Variants in SGSM2 observed in about 807,000 individuals in gnomAD.
The protein encoded by SGSM2 is small G protein signaling modulator 2, also known as RUN and TBC1 domain containing 1.
Under a neutral mutation model 126.6 loss-of-function variants are expected in SGSM2, and 89 were observed. The ratio of observed to expected loss-of-function variants is 0.70; its 90% CI spans 0.59 to 0.84. SGSM2 has a LOEUF of 0.84. Ranked by LOEUF, SGSM2 falls within the 40% of genes least tolerant of loss-of-function variation. SGSM2 has a pLI of 0.00. For synonymous variants in SGSM2, 614 were observed against 574.3 expected, an observed-to-expected ratio of 1.07 and a Z score of -0.99; for missense variants, 1,404 against 1,416.6, an observed-to-expected ratio of 0.99 and a Z score of 0.14.
At chr17:2,344,214 T>C (rs1014302231) in intron 2 of SGSM2, among the ~76,000 whole-genome samples, 3 of 152,192 alleles carry the variant, frequency 2.0e-5, no homozygotes, top group Non-Finnish European at 4.4e-5. Flanking sequence ...TGGCCAAGCC[T>C]TCCAGCCCCA....
At chr17:2,340,816 C>T (rs187735083) in intron 1 of SGSM2, among the ~76,000 whole-genome samples, 4 of 152,218 alleles carry the variant, frequency 2.6e-5, no homozygotes, top group African/African-American at 7.2e-5. Flanking sequence ...GATCTCCTGA[C>T]CTCGTGATCC....
In SGSM2 at chr17:2,338,716, A is replaced by G. The variant is rs868759667; in HGVS notation, c.57+971A>G. ...GAGGCCTGGTGTTTGGAAAGCATACATTTTGGAATAGTCTGGACCTAATTC... is the reference window on the plus strand; with the variant it reads ...GAGGCCTGGTGTTTGGAAAGCATACGTTTTGGAATAGTCTGGACCTAATTC... On this transcript the variant is annotated intron_variant, in intron 1 of 23. Coordinates refer to ENST00000268989, the MANE Select transcript of SGSM2 (RefSeq NM_014853.3). 4.7e-5 allele frequency among the ~76,000 whole-genome samples: 7 copies of G among 149,844 alleles called. No homozygotes were observed. The South Asian group carries it at 1.5e-3, about 32-fold the overall frequency.
rs1018074202 is a variant in SGSM2, at chr17:2,346,663, G to A, written c.133+3043G>A. Among the ~76,000 whole-genome samples the A allele has an allele frequency of 2.6e-5, 4 of 152,148 alleles. No individual in the cohort carries two copies. In the East Asian group the frequency reaches 7.7e-4, roughly 29 times the overall value. On this transcript the variant is annotated intron_variant, in intron 2 of 23. Transcript: ENST00000268989. ...TTTCCTTGTGTGGAAGTTTTCGCTGGCAAACCAGTCTGGCGGCAGCAGGGG... is the reference window on the plus strand; with the variant it reads ...TTTCCTTGTGTGGAAGTTTTCGCTGACAAACCAGTCTGGCGGCAGCAGGGG...
chr17:2,364,169 C>T lies in SGSM2; in HGVS notation c.918C>T (p.Ser306=), dbSNP rs575214536. 219 of 1,613,826 alleles carry T rather than the reference C, an allele frequency of 1.4e-4. 4 individuals carry two copies. The South Asian group carries it at 2.0e-3, about 15-fold the overall frequency. The change falls in exon 8 of 24, where the codon TCC becomes TCT. Residue 306 remains serine, a synonymous_variant. Coordinates refer to ENST00000268989, the MANE Select transcript of SGSM2 (RefSeq NM_014853.3). Reference sequence around the variant, plus strand: ...TCATGAATGGGACTCTGGGGGACTCCGAGCTGGAAAAGAGGTGGGGGCTTT... The same window carrying T: ...TCATGAATGGGACTCTGGGGGACTCTGAGCTGGAAAAGAGGTGGGGGCTTT... ...NQLMNGTLGD[S]ELEKSVYWDY...
At chr17:2,344,876 A>G (rs1226046891) in intron 2 of SGSM2, among the ~76,000 whole-genome samples, 1 of 152,170 alleles carries the variant, frequency 6.6e-6, no homozygotes, top group Non-Finnish European at 1.5e-5. Context: ...TCCCACCTCA[A>G]GGAACTTTCG....
intron 2 of SGSM2, among the ~76,000 whole-genome samples, chr17:2,357,687 G>A (rs368132537): frequency 4.6e-5 from 7 of 152,050 alleles, no homozygotes; most frequent in African/African-American, 1.2e-4. Context: ...TAGCAGAGAC[G>A]GAGTTTCACC....
In SGSM2 at chr17:2,380,740, G is replaced by T. The variant is rs762688388; in HGVS notation, c.*1220G>T. 46 of 209,136 alleles carry T rather than the reference G, an allele frequency of 2.2e-4. No individual in the cohort carries two copies. Among genetic ancestry groups the T allele is most frequent in the Non-Finnish European group, 3.8e-4 (39 of 103,704 alleles). 13.0% of individuals were successfully genotyped at this position (209,136 alleles called of 1,614,324 possible). A position where few individuals can be genotyped will look rare whatever the true frequency, so the allele number is the denominator to read the frequency against. On this transcript the variant is annotated 3_prime_UTR_variant, in exon 24 of 24. Coordinates refer to ENST00000268989, the MANE Select transcript of SGSM2 (RefSeq NM_014853.3). The stretch of plus-strand genomic sequence containing the variant: ...AGGCCCTGCCCGGGGCTGGGGCCTA[G>T]TCCAGCAGCCACCAAAGTCTGGCAG...
chr17:2,361,517 C>T, intron 2 of SGSM2, 120 bp from the exon 3 acceptor site: 1 of 1,275,404 alleles, frequency 7.8e-7, no homozygotes, highest in Non-Finnish European at 1.1e-6. Context: ...AGGGTATCTC[C>T]CTGGCCTGCC....
chr17:2,365,259 C>G lies in SGSM2; in HGVS notation c.1206C>G (p.Ser402=). ...PKLRKRSSIR[S]VDMEEMGTGR... is the part of the protein sequence containing the mutation. ...TACGGAAACGAAGCAGCATTCGCTC[C>G]GTGGATATGGAGGAGATGGGCACGG... Residue 402 remains serine (S), a synonymous_variant, in exon 11 of 24, where the codon TCC becomes TCG. Coordinates refer to ENST00000268989, the MANE Select transcript of SGSM2 (RefSeq NM_014853.3). The G allele has an allele frequency of 1.2e-6, 2 of 1,611,268 alleles. No homozygotes were observed. The highest frequency in any genetic ancestry group is 1.7e-6 in the Non-Finnish European group (2 of 1,178,692).
At chr17:2,377,499 A>C (rs956182533) in intron 21 of SGSM2, 9 of 171,334 alleles carry the variant, frequency 5.3e-5, no homozygotes, top group African/African-American at 2.1e-4. Flanking sequence ...AAAAAAAAAA[A>C]ACCATGGTTT....
rs927525981 is a variant in SGSM2 at position 2,363,840 on chromosome 17, C to T, written c.808-219C>T. ...GTGGGTATGGCTGGCCTGGAATGGA[C>T]CTGGCATCCAGGAGGCTGGCAGGAG... On this transcript the variant is annotated intron_variant, in intron 7 of 23. Transcript: ENST00000268989. This position sits in a 1 kb window ranked among gnomAD's most constrained non-coding sequence, Gnocchi z 4.2. The T allele has an allele frequency of 6.4e-6, 5 of 784,872 alleles. No homozygotes were observed. Among genetic ancestry groups the T allele is most frequent in the Non-Finnish European group, 1.0e-5 (5 of 501,252 alleles). The allele number at this position is 784,872 out of a possible 1,614,324, so 48.6% of individuals were successfully genotyped here.
chr17:2,371,190 G>T, intron 12 of SGSM2, 72 bp from the exon 13 acceptor site: 2 of 1,487,052 alleles, frequency 1.3e-6, no homozygotes, highest in Non-Finnish European at 1.8e-6. Context: ...GGGCACAGAG[G>T]TGGGCATGGT....
chr17:2,344,903 G>A (rs1360101512), intron 2 of SGSM2, among the ~76,000 whole-genome samples: 1 of 152,190 alleles, frequency 6.6e-6, no homozygotes, highest in East Asian at 1.9e-4. Flanking sequence ...TTGAGATGAT[G>A]TGTGTAAATG....
In SGSM2 at chr17:2,372,578, G is replaced by A. The variant is rs1182108460; in HGVS notation, c.1788+90G>A. On this transcript the variant is annotated intron_variant, in intron 15 of 23. Transcript: ENST00000268989. The surrounding 1 kb of genome is among the most constrained non-coding windows in gnomAD (Gnocchi z 6.0). ...AGGGTAAAATGTGCCAGTGGGTGCG[G>A]TTGACAGGCCAGGGCCGATGCCACG... 1 of 1,517,058 alleles carries A rather than the reference G, an allele frequency of 6.6e-7. No individual in the cohort carries two copies. Among genetic ancestry groups the A allele is most frequent in the South Asian group, 1.2e-5 (1 of 82,704 alleles). 94.0% of individuals were successfully genotyped at this position (1,517,058 alleles called of 1,614,324 possible).
rs1326520416 is a variant in SGSM2 at position 2,367,675 on chromosome 17, T to C, written c.1423+270T>C. Among the ~76,000 whole-genome samples, 1 of 152,226 alleles carries C rather than the reference T, an allele frequency of 6.6e-6. No homozygotes were observed. Among genetic ancestry groups the C allele is most frequent in the African/African-American group, 2.4e-5 (1 of 41,470 alleles). On this transcript the variant is annotated intron_variant, in intron 12 of 23. Transcript: ENST00000268989. The surrounding 1 kb of genome is among the most constrained non-coding windows in gnomAD (Gnocchi z 4.0). ...AAGGTCTGATTATCTGATTGCCTCCTGGGCACCCTGAATGGATCTCTGAGC... is the reference window on the plus strand; with the variant it reads ...AAGGTCTGATTATCTGATTGCCTCCCGGGCACCCTGAATGGATCTCTGAGC...
rs759949281 is a variant in SGSM2, at chr17:2,337,642, G to C, written c.-47G>C. ...GAGCCGAGAGGCGCGGAGGCGGCGA[G>C]GGCGCGGGGGCTCTGAGGACCGCTC... On this transcript the variant is annotated 5_prime_UTR_variant, in exon 1 of 24. Coordinates refer to ENST00000268989, the MANE Select transcript of SGSM2 (RefSeq NM_014853.3). This position sits in a 1 kb window ranked among gnomAD's most constrained non-coding sequence, Gnocchi z 5.1. The C allele has an allele frequency of 7.4e-7, 1 of 1,350,992 alleles. No homozygotes were observed. The highest frequency in any genetic ancestry group is 1.6e-5 in the South Asian group (1 of 60,956). The allele number at this position is 1,350,992 out of a possible 1,614,324, so 83.7% of individuals were successfully genotyped here.
chr17:2,350,301 G>A (rs2064792729), intron 2 of SGSM2, among the ~76,000 whole-genome samples: 1 of 151,868 alleles, frequency 6.6e-6, no homozygotes, highest in East Asian at 1.9e-4. Flanking sequence ...GTTTGCTGGA[G>A]GAGCGTCTTT....
chr17:2,370,151 G>A (rs564944112), intron 12 of SGSM2, among the ~76,000 whole-genome samples: 7 of 152,308 alleles, frequency 4.6e-5, no homozygotes, highest in South Asian at 2.1e-4. Flanking sequence ...TGAGCCAGCC[G>A]AGCAAACTGC....
At chr17:2,340,601 T>C (rs1039940016) in intron 1 of SGSM2, among the ~76,000 whole-genome samples, 2 of 151,950 alleles carry the variant, frequency 1.3e-5, no homozygotes, top group Admixed American at 6.6e-5. Context: ...TTTTTTTTTT[T>C]TGAGATGGAG....
Sources: gnomAD v4.1 joint callset for allele counts (sites outside exome capture counted in the v4.1 genomes callset) on GRCh38, gnomAD v4.1.1 for gene constraint, Gnocchi (gnomAD v3.1) non-coding constraint, MANE v1.5 for transcripts, NCBI Gene and HGNC (gene_info 2026-07-23, HGNC 2026-07-21) for gene names.